The following KCNJ16 variants were observed in gnomAD, a reference collection of about 807,000 sequenced individuals.
The protein encoded by KCNJ16 is inward rectifier potassium channel 16.
In KCNJ16, 15 loss-of-function variants were observed where a neutral mutation model predicts 18.5. The ratio of observed to expected loss-of-function variants is 0.81; its 90% CI spans 0.54 to 1.25. KCNJ16 has a LOEUF of 1.25. Ranked by LOEUF, KCNJ16 falls within the 50% of genes most tolerant of loss-of-function variation. The pLI, the probability that KCNJ16 is intolerant of heterozygous loss-of-function variation, is 0.00. For missense variants in KCNJ16, 523 were observed against 525.7 expected (o/e 0.99, Z 0.05); for synonymous variants, 174 against 186.5 (o/e 0.93, Z 0.55).
rs115629792 is a variant in KCNJ16, at chr17:70,095,317, A to G, written c.-299-5341A>G. On this transcript the variant is annotated intron_variant, in intron 1 of 3. Transcript: ENST00000392671. ...TGCAGGAACCAGCCCAGGAAGCCCAATCATAACCTTTGTAGCCATTTGGCC... is the reference window on the plus strand; with the variant it reads ...TGCAGGAACCAGCCCAGGAAGCCCAGTCATAACCTTTGTAGCCATTTGGCC... 9.1e-3 allele frequency among the ~76,000 whole-genome samples: 1,384 copies of G among 152,306 alleles called. 24 individuals carry two copies. Among genetic ancestry groups the G allele is most frequent in the African/African-American group, 0.031 (1,294 of 41,564 alleles).
intron 2 of KCNJ16, among the ~76,000 whole-genome samples, chr17:70,114,537 A>C (rs1689486763): frequency 6.6e-6 from 1 of 152,310 alleles, no homozygotes; most frequent in Middle Eastern, 3.4e-3. Context: ...GGAGCTACTA[A>C]AGATTAGTCA....
intron 2 of KCNJ16, among the ~76,000 whole-genome samples, chr17:70,110,362 G>A (rs774277370): frequency 6.6e-6 from 1 of 152,088 alleles, no homozygotes. Flanking sequence ...TCTACCCAGT[G>A]AAAACAGCCT....
At chr17:70,078,968 C>A (rs544562829) in intron 1 of KCNJ16, among the ~76,000 whole-genome samples, 1 of 152,276 alleles carries the variant, frequency 6.6e-6, no homozygotes, top group South Asian at 2.1e-4. Context: ...CAGAAACTCA[C>A]TCTTAAGAGA....
At chr17:70,095,083 T>C (rs1216267013) in intron 1 of KCNJ16, among the ~76,000 whole-genome samples, 1 of 152,230 alleles carries the variant, frequency 6.6e-6, no homozygotes, top group Non-Finnish European at 1.5e-5. Flanking sequence ...TATGTGAGCA[T>C]ATGAATAATT....
At chr17:70,116,823 G>A (rs576507330) in intron 2 of KCNJ16, among the ~76,000 whole-genome samples, 81 of 152,292 alleles carry the variant, frequency 5.3e-4, no homozygotes, top group Admixed American at 1.5e-3. Flanking sequence ...GCGAGGCTGC[G>A]GAGAAAAGGG....
intron 1 of KCNJ16, among the ~76,000 whole-genome samples, chr17:70,086,800 T>C (rs1473608230): frequency 2.0e-5 from 3 of 152,252 alleles, no homozygotes; most frequent in African/African-American, 4.8e-5. Flanking sequence ...TTGTGCATTG[T>C]TGGTACAATT....
chr17:70,129,740 A>G (rs1049824187), intron 2 of KCNJ16, among the ~76,000 whole-genome samples: 45 of 152,316 alleles, frequency 3.0e-4, no homozygotes, highest in Non-Finnish European at 1.9e-4. Context: ...TTATTCAACA[A>G]TACATTTTCC....
intron 2 of KCNJ16, among the ~76,000 whole-genome samples, chr17:70,110,037 A>C (rs539326498): frequency 2.0e-5 from 3 of 152,306 alleles, no homozygotes; most frequent in Non-Finnish European, 4.4e-5. Flanking sequence ...TTGTGATGAC[A>C]ATACATACTT....
intron 1 of KCNJ16, among the ~76,000 whole-genome samples, chr17:70,093,533 A>C (rs544153142): frequency 7.2e-5 from 11 of 152,192 alleles, no homozygotes; most frequent in Non-Finnish European, 1.5e-4. Context: ...TTTCCAAATC[A>C]GGTCTCATTT....
At chr17:70,106,976 T>G (rs547260144) in intron 2 of KCNJ16, among the ~76,000 whole-genome samples, 2 of 152,164 alleles carry the variant, frequency 1.3e-5, no homozygotes, top group South Asian at 4.1e-4. Flanking sequence ...AAGTGGCTTT[T>G]TCCTGATGGT....
At chr17:70,088,021 CAAAAAAAA>C (rs10661960) in intron 1 of KCNJ16, among the ~76,000 whole-genome samples, 1 of 79,470 alleles carries the variant, frequency 1.3e-5, no homozygotes, top group Non-Finnish European at 2.2e-5. Context: ...GACTCTGTCT[CAAAAAAAA>C]AAAAAAAAAA....
intron 2 of KCNJ16, among the ~76,000 whole-genome samples, chr17:70,105,393 C>G (rs547513382): frequency 6.6e-6 from 1 of 152,122 alleles, no homozygotes; most frequent in African/African-American, 2.4e-5. Flanking sequence ...AACTTACTGA[C>G]GTGGAGCAAC....
intron 1 of KCNJ16, among the ~76,000 whole-genome samples, chr17:70,088,021 C>CAAAAAAAAAAAAA (rs10661960): frequency 1.3e-5 from 1 of 79,458 alleles, no homozygotes. Context: ...GACTCTGTCT[C>CAAAAAAAAAAAAA]AAAAAAAAAA....
intron 2 of KCNJ16, among the ~76,000 whole-genome samples, chr17:70,125,926 G>A (rs1054291549): frequency 4.6e-5 from 7 of 150,628 alleles, no homozygotes; most frequent in East Asian, 2.0e-4. Context: ...GCAAGTTTCC[G>A]TCTCAAAAAA....
At chr17:70,098,157 T>C (rs1454361571) in intron 1 of KCNJ16, among the ~76,000 whole-genome samples, 2 of 152,184 alleles carry the variant, frequency 1.3e-5, no homozygotes, top group African/African-American at 2.4e-5. Context: ...ATTTTCCTAG[T>C]AACTCTCATT....
chr17:70,097,455 A>G (rs990694145), intron 1 of KCNJ16, among the ~76,000 whole-genome samples: 4 of 152,186 alleles, frequency 2.6e-5, no homozygotes, highest in African/African-American at 9.7e-5. Context: ...AAATTAGAGG[A>G]GGAGGTCAGG....
chr17:70,115,043 A>G lies in KCNJ16; in HGVS notation c.-191+14277A>G, dbSNP rs527743531. Among the ~76,000 whole-genome samples the G allele has an allele frequency of 5.9e-4, 90 of 152,256 alleles. No individual in the cohort carries two copies. The Middle Eastern group carries it at 0.01, about 17-fold the overall frequency. Reference sequence around the variant, plus strand: ...CTCAAAGACGTCGATTAGTTGGTGCAAACGTGCACAGTCTTACTAGCAATC... The same window carrying G: ...CTCAAAGACGTCGATTAGTTGGTGCGAACGTGCACAGTCTTACTAGCAATC... On this transcript the variant is annotated intron_variant, in intron 2 of 3. Transcript: ENST00000392671.
At chr17:70,105,814 A>G (rs901074004) in intron 2 of KCNJ16, among the ~76,000 whole-genome samples, 5 of 152,090 alleles carry the variant, frequency 3.3e-5, no homozygotes, top group African/African-American at 1.2e-4. Context: ...CCATTTCACT[A>G]GAAGAAGTGG....
At chr17:70,111,000 A>G (rs1273633818) in intron 2 of KCNJ16, among the ~76,000 whole-genome samples, 1 of 152,188 alleles carries the variant, frequency 6.6e-6, no homozygotes, top group African/African-American at 2.4e-5. Flanking sequence ...GAGTAGATGC[A>G]TCTCAGGAAA....
Sources: gnomAD v4.1 joint callset for allele counts (sites outside exome capture counted in the v4.1 genomes callset) on GRCh38, gnomAD v4.1.1 for gene constraint, MANE v1.5 for transcripts, NCBI Gene and HGNC (gene_info 2026-07-23, HGNC 2026-07-21) for gene names.